NKAIN3: variants seen among roughly 807,000 people sequenced by gnomAD.
The protein encoded by NKAIN3 is sodium/potassium-transporting ATPase subunit beta-1-interacting protein 3.
NKAIN3 carries 25 observed loss-of-function variants against 30.2 expected under a neutral mutation model. The observed-to-expected ratio is 0.83, with a 90% CI of 0.60 to 1.16. The LOEUF (loss-of-function observed/expected upper bound fraction) is 1.16, where lower values mean the gene tolerates loss of function less well. NKAIN3 is among the 50% of genes most tolerant of loss of function. The pLI, the probability that NKAIN3 is intolerant of heterozygous loss-of-function variation, is 0.00. For synonymous variants in NKAIN3, 91 were observed against 89.6 expected, an observed-to-expected ratio of 1.02 and a Z score of -0.09; for missense variants, 225 against 254.1, an observed-to-expected ratio of 0.89 and a Z score of 0.78.
chr8:62,894,389 G>A (rs1486121999), intron 4 of NKAIN3, among the ~76,000 whole-genome samples: 1 of 152,052 alleles, frequency 6.6e-6, no homozygotes, highest in South Asian at 2.1e-4. Context: ...TTGAACACTC[G>A]AGGAACTCAA....
At chr8:62,785,302 A>G (rs771607499) in intron 4 of NKAIN3, among the ~76,000 whole-genome samples, 1 of 152,196 alleles carries the variant, frequency 6.6e-6, no homozygotes, top group Non-Finnish European at 1.5e-5. Flanking sequence ...AAACATTATA[A>G]GTTAAAGAAA....
intron 1 of NKAIN3, among the ~76,000 whole-genome samples, chr8:62,298,198 G>A (rs1054041566): frequency 6.6e-6 from 1 of 150,800 alleles, no homozygotes; most frequent in African/African-American, 2.4e-5. Flanking sequence ...GGAAGGGATA[G>A]CATTAGGAGA....
chr8:62,412,919 AAAC>A (rs1349778303), intron 1 of NKAIN3, among the ~76,000 whole-genome samples: 1 of 82,304 alleles, frequency 1.2e-5, no homozygotes, highest in African/African-American at 4.8e-5. Context: ...CAAAAAAAAA[AAAC>A]AAAAAAAAAA....
chr8:62,880,651 TC>T (rs1449261238), intron 4 of NKAIN3, among the ~76,000 whole-genome samples: 1 of 152,204 alleles, frequency 6.6e-6, no homozygotes, highest in South Asian at 2.1e-4. Context: ...CACACTTACA[TC>T]CTCCTCCAGA....
chr8:62,966,637 G>A lies in NKAIN3; in HGVS notation c.*1230G>A, dbSNP rs531668533. Among the ~76,000 whole-genome samples, 10 of 152,248 alleles carry A rather than the reference G, an allele frequency of 6.6e-5. No individual in the cohort carries two copies. Among genetic ancestry groups the A allele is most frequent in the African/African-American group, 1.9e-4 (8 of 41,542 alleles). On this transcript the variant is annotated 3_prime_UTR_variant, in exon 7 of 7. Coordinates refer to ENST00000623646, the MANE Select transcript of NKAIN3 (RefSeq NM_001304533.3). ...CACTGTGCTAATTTTCATCATCACTGATAATTTGGTCTGTTCTCAATATAA... is the reference window on the plus strand; with the variant it reads ...CACTGTGCTAATTTTCATCATCACTAATAATTTGGTCTGTTCTCAATATAA...
chr8:62,880,461 G>A (rs1426952445), intron 4 of NKAIN3, among the ~76,000 whole-genome samples: 2 of 152,030 alleles, frequency 1.3e-5, no homozygotes, highest in African/African-American at 4.8e-5. Flanking sequence ...GCCAAGTCTG[G>A]GCCCAAAACT....
intron 1 of NKAIN3, among the ~76,000 whole-genome samples, chr8:62,426,227 T>C (rs1804805436): frequency 6.6e-6 from 1 of 151,928 alleles, no homozygotes. Flanking sequence ...CTTAATTACC[T>C]TAGTTTTCAA....
chr8:62,757,424 G>T (rs908130807), intron 4 of NKAIN3, among the ~76,000 whole-genome samples: 1 of 152,102 alleles, frequency 6.6e-6, no homozygotes, highest in African/African-American at 2.4e-5. Flanking sequence ...ATATTCAGAA[G>T]CCCCTACTCT....
intron 1 of NKAIN3, among the ~76,000 whole-genome samples, chr8:62,454,906 C>T (rs373120594): frequency 5.9e-5 from 9 of 152,192 alleles, no homozygotes; most frequent in South Asian, 2.1e-4. Context: ...GTCCTGAAAG[C>T]GCCTTGTATA....
intron 5 of NKAIN3, among the ~76,000 whole-genome samples, chr8:62,943,917 C>A (rs7838710): frequency 0.58 from 87,831 of 151,304 alleles, 25,837 homozygotes; most frequent in African/African-American, 0.67. Flanking sequence ...GAATGGAAAA[C>A]CAAACATTGT....
At chr8:62,819,562 T>C (rs372284709) in intron 4 of NKAIN3, among the ~76,000 whole-genome samples, 1 of 152,112 alleles carries the variant, frequency 6.6e-6, no homozygotes, top group Non-Finnish European at 1.5e-5. Context: ...ATGGTAGTAA[T>C]ATTTTCTTCT....
At chr8:62,775,264 T>C (rs566410261) in intron 4 of NKAIN3, among the ~76,000 whole-genome samples, 2 of 152,248 alleles carry the variant, frequency 1.3e-5, no homozygotes, top group East Asian at 1.9e-4. Flanking sequence ...CTTCTTCATC[T>C]CTAATTTTAT....
intron 3 of NKAIN3, among the ~76,000 whole-genome samples, chr8:62,707,052 TAC>T (rs1219559233): frequency 1.3e-4 from 13 of 99,268 alleles, no homozygotes; most frequent in African/African-American, 3.9e-4. Flanking sequence ...CCATCATACA[TAC>T]ATACACACAC....
At chr8:62,844,017 A>G (rs1819604483) in intron 4 of NKAIN3, among the ~76,000 whole-genome samples, 1 of 152,176 alleles carries the variant, frequency 6.6e-6, no homozygotes, top group African/African-American at 2.4e-5. Context: ...CCTAAATCCG[A>G]TAACTAAGAA....
intron 1 of NKAIN3, among the ~76,000 whole-genome samples, chr8:62,509,491 C>G (rs1376578182): frequency 6.6e-6 from 1 of 152,010 alleles, no homozygotes; most frequent in East Asian, 1.9e-4. Context: ...ATAAAAACAG[C>G]CTTGGGTTTT....
intron 1 of NKAIN3, among the ~76,000 whole-genome samples, chr8:62,564,157 A>G (rs1029580801): frequency 2.0e-5 from 3 of 152,202 alleles, no homozygotes; most frequent in Non-Finnish European, 2.9e-5. Context: ...GTGAAGACTT[A>G]AGCAGAATTG....
chr8:62,793,319 C>G (rs982528354), intron 4 of NKAIN3, among the ~76,000 whole-genome samples: 3 of 152,074 alleles, frequency 2.0e-5, no homozygotes, highest in Non-Finnish European at 2.9e-5. Flanking sequence ...TTTCTTTCTC[C>G]GTCAATTGAC....
chr8:62,462,907 T>G (rs1217986045), intron 1 of NKAIN3, among the ~76,000 whole-genome samples: 1 of 152,180 alleles, frequency 6.6e-6, no homozygotes, highest in Admixed American at 6.5e-5. Context: ...GCAGTCCATT[T>G]TCACTTCATA....
chr8:62,525,320 G>A (rs907543506), intron 1 of NKAIN3, among the ~76,000 whole-genome samples: 4 of 152,106 alleles, frequency 2.6e-5, no homozygotes, highest in Non-Finnish European at 5.9e-5. Flanking sequence ...AGTAGAAGAG[G>A]CAATTTCATA....
Sources: gnomAD v4.1 joint callset for allele counts (sites outside exome capture counted in the v4.1 genomes callset) on GRCh38, gnomAD v4.1.1 for gene constraint, MANE v1.5 for transcripts, NCBI Gene and HGNC (gene_info 2026-07-23, HGNC 2026-07-21) for gene names.